Variants in KCNH5 observed in about 807,000 individuals in gnomAD.
KCNH5 encodes the protein potassium voltage-gated channel subfamily H member 5.
Under a neutral mutation model 96.1 loss-of-function variants are expected in KCNH5, and 46 were observed. The observed-to-expected ratio is 0.48, with a 90% CI of 0.38 to 0.61. The LOEUF is 0.61. KCNH5 is among the 20% of genes least tolerant of loss of function. The probability of loss-of-function intolerance (pLI) is 0.00; values close to 1 mark genes in which losing one functional copy is unlikely to be tolerated. For synonymous variants in KCNH5, 439 were observed against 449.8 expected, an observed-to-expected ratio of 0.98 and a Z score of 0.30; for missense variants, 907 against 1,225.8, an observed-to-expected ratio of 0.74 and a Z score of 3.88.
chr14:62,859,050 T>C (rs936824146), intron 7 of KCNH5, among the ~76,000 whole-genome samples: 4 of 152,284 alleles, frequency 2.6e-5, no homozygotes, highest in African/African-American at 7.2e-5. Context: ...GGATAAGGCA[T>C]TCCATGAGTC....
At chr14:62,751,390 TCATTGGTTACC>T (rs1284041732) in intron 10 of KCNH5, among the ~76,000 whole-genome samples, 1 of 152,206 alleles carries the variant, frequency 6.6e-6, no homozygotes, top group Non-Finnish European at 1.5e-5. Flanking sequence ...ACCTGCCATG[TCATTGGTTACC>T]CAAGGCTCCT....
chr14:62,734,910 T>A (rs1413529455), intron 10 of KCNH5, among the ~76,000 whole-genome samples: 1 of 152,164 alleles, frequency 6.6e-6, no homozygotes, highest in African/African-American at 2.4e-5. Flanking sequence ...AATATATACG[T>A]TGAAACATTT....
In KCNH5 at chr14:63,045,434, G is replaced by A. The variant is rs541691016; in HGVS notation, c.-248C>T. On this transcript the variant is annotated 5_prime_UTR_variant, in exon 1 of 11. Transcript: ENST00000322893. Reference sequence around the variant, plus strand: ...CCGCCGCTGCCCAGACTGTGGCGGTGCCGCACACGGGGCTCGGGAACTGCA... The same window carrying A: ...CCGCCGCTGCCCAGACTGTGGCGGTACCGCACACGGGGCTCGGGAACTGCA... 6 of 529,582 alleles carry A rather than the reference G, an allele frequency of 1.1e-5. No homozygotes were observed. The highest frequency in any genetic ancestry group is 1.7e-5 in the Non-Finnish European group (5 of 293,382). 32.8% of individuals were successfully genotyped at this position (529,582 alleles called of 1,614,324 possible). A position where few individuals can be genotyped will look rare whatever the true frequency, so the allele number is the denominator to read the frequency against.
chr14:63,003,529 AT>A (rs58533611), intron 3 of KCNH5, among the ~76,000 whole-genome samples: 1 of 106,226 alleles, frequency 9.4e-6, no homozygotes, highest in African/African-American at 3.8e-5. Context: ...TATATTTTAT[AT>A]ATATTATATA....
chr14:62,709,548 T>A (rs760647580), intron 10 of KCNH5, among the ~76,000 whole-genome samples: 2 of 152,208 alleles, frequency 1.3e-5, no homozygotes, highest in African/African-American at 2.4e-5. Context: ...CCATATGACA[T>A]GTTCACTGGG....
intron 4 of KCNH5, among the ~76,000 whole-genome samples, chr14:62,999,110 C>T (rs911243059): frequency 5.3e-5 from 8 of 152,184 alleles, no homozygotes; most frequent in African/African-American, 1.7e-4. Context: ...GGAATCGCCA[C>T]ACTGACTTCC....
chr14:62,922,792 C>G (rs879844243), intron 7 of KCNH5, among the ~76,000 whole-genome samples: 1 of 151,694 alleles, frequency 6.6e-6, no homozygotes, highest in Admixed American at 6.6e-5. Flanking sequence ...GAAGAATATA[C>G]CTCAACTCAA....
intron 7 of KCNH5, among the ~76,000 whole-genome samples, chr14:62,920,476 T>C (rs1889359222): frequency 6.6e-6 from 1 of 152,098 alleles, no homozygotes; most frequent in Admixed American, 6.6e-5. Flanking sequence ...AGGCTTATAA[T>C]GGGGTACAAA....
intron 7 of KCNH5, among the ~76,000 whole-genome samples, chr14:62,925,167 T>A (rs1430100231): frequency 1.3e-5 from 2 of 151,934 alleles, no homozygotes; most frequent in Non-Finnish European, 2.9e-5. Context: ...GTAGACCACA[T>A]TTTGTTGGTT....
At position 62,707,153 on chromosome 14, in the gene KCNH5, T is replaced by C. The variant is rs1018824822; in HGVS notation, c.*355A>G. 1 of 154,570 alleles carries C rather than the reference T, an allele frequency of 6.5e-6. No homozygotes were observed. The highest frequency in any genetic ancestry group is 1.4e-5 in the Non-Finnish European group (1 of 69,684). 9.6% of individuals were successfully genotyped at this position (154,570 alleles called of 1,614,324 possible). ...TGAGAAAATGATAGCTCGATATACA[T>C]ACTCAGCCTGAGATCAAATTTGTCA... is the stretch of plus-strand genomic sequence containing the variant. On this transcript the variant is annotated 3_prime_UTR_variant, in exon 11 of 11. Coordinates refer to ENST00000322893, the MANE Select transcript of KCNH5 (RefSeq NM_139318.5).
rs544332438 is a variant in KCNH5, at chr14:63,005,697, G to A, written c.304+669C>T. Among the ~76,000 whole-genome samples the A allele has an allele frequency of 3.3e-5, 5 of 152,298 alleles. No individual in the cohort carries two copies. In the South Asian group the frequency reaches 1.0e-3, roughly 32 times the overall value. On this transcript the variant is annotated intron_variant, in intron 3 of 10. Coordinates refer to ENST00000322893, the MANE Select transcript of KCNH5 (RefSeq NM_139318.5). The stretch of plus-strand genomic sequence containing the variant: ...AGGGGAGTTGTTGAGTATACTGTTG[G>A]TTTTTGTCATGTTGGTTTTTTTCCC...
At chr14:62,996,010 A>G (rs977387717) in intron 4 of KCNH5, among the ~76,000 whole-genome samples, 5 of 134,076 alleles carry the variant, frequency 3.7e-5, no homozygotes, top group African/African-American at 1.4e-4. Flanking sequence ...ATCAACAGCA[A>G]GTCTACTCTA....
rs186072249 is a variant in KCNH5, at chr14:62,705,154, G to A, written c.*2354C>T. ...GAACAATAACATTGTAGGTCGATTA[G>A]GTGAAACTCTACGTCAATGTCAGAA... On this transcript the variant is annotated 3_prime_UTR_variant, in exon 11 of 11. Coordinates refer to ENST00000322893, the MANE Select transcript of KCNH5 (RefSeq NM_139318.5). 1.3e-5 allele frequency: 2 copies of A among 152,064 alleles called. No individual in the cohort carries two copies. Among genetic ancestry groups the A allele is most frequent in the East Asian group, 3.9e-4 (2 of 5,176 alleles). The allele number at this position is 152,064 out of a possible 1,614,324, so 9.4% of individuals were successfully genotyped here.
chr14:63,024,219 T>TAC, intron 1 of KCNH5, among the ~76,000 whole-genome samples: 1 of 145,516 alleles, frequency 6.9e-6, no homozygotes, highest in African/African-American at 2.5e-5. Flanking sequence ...AAAAAATATA[T>TAC]ATATATATAT....
chr14:62,801,514 TTTTTTTTTG>T, intron 9 of KCNH5, among the ~76,000 whole-genome samples: 1 of 148,364 alleles, frequency 6.7e-6, no homozygotes, highest in East Asian at 2.0e-4. Flanking sequence ...TTTTTTTTTT[TTTTTTTTTG>T]CCAAGCGTAT....
At chr14:62,899,667 C>T (rs1313992556) in intron 7 of KCNH5, among the ~76,000 whole-genome samples, 1 of 148,018 alleles carries the variant, frequency 6.8e-6, no homozygotes, top group Non-Finnish European at 1.5e-5. Context: ...CCCGTCTCTA[C>T]TAAAAATACA....
At chr14:62,990,320 A>G (rs1890786201) in intron 4 of KCNH5, among the ~76,000 whole-genome samples, 1 of 152,042 alleles carries the variant, frequency 6.6e-6, no homozygotes, top group African/African-American at 2.4e-5. Context: ...ACAGACTACA[A>G]CTGTGTTTCT....
chr14:62,916,555 G>A (rs753287774), intron 7 of KCNH5, among the ~76,000 whole-genome samples: 3 of 152,166 alleles, frequency 2.0e-5, no homozygotes, highest in Admixed American at 1.3e-4. Context: ...AAACAATTAA[G>A]TTTGTTGTGC....
rs1322821010 is a variant in KCNH5, at chr14:63,045,220, G to C, written c.-34C>G. 1.3e-6 allele frequency: 2 copies of C among 1,544,984 alleles called. No homozygotes were observed. Among genetic ancestry groups the C allele is most frequent in the South Asian group, 2.2e-5 (2 of 89,716 alleles). On this transcript the variant is annotated 5_prime_UTR_variant, in exon 1 of 11. Coordinates refer to ENST00000322893, the MANE Select transcript of KCNH5 (RefSeq NM_139318.5). ...TGGAGAGCAGCGGCCAGGATCCGCG[G>C]CGGGGGAGGGGGGGATGCAGGCAAA...
Sources: allele counts gnomAD v4.1 joint callset (sites outside exome capture counted in the v4.1 genomes callset), GRCh38; gene constraint gnomAD v4.1.1; transcripts MANE v1.5; gene names NCBI Gene and HGNC (gene_info 2026-07-23, HGNC 2026-07-21).